Variants in TRPS1 observed in about 807,000 individuals in gnomAD.
TRPS1 encodes zinc finger transcription factor Trps1.
TRPS1 carries 6 observed loss-of-function variants against 101.2 expected under a neutral mutation model. The observed-to-expected ratio is 0.06, with a 90% CI of 0.03 to 0.12. The LOEUF (loss-of-function observed/expected upper bound fraction) is 0.12. TRPS1 is among the 10% of genes least tolerant of loss of function. The pLI, the probability that TRPS1 is intolerant of heterozygous loss-of-function variation, is 1.00. For missense variants in TRPS1, 1,363 were observed against 1,567.0 expected (o/e 0.87, Z 2.20); for synonymous variants, 578 against 589.8 (o/e 0.98, Z 0.29).
chr8:115,533,286 T>C (rs1300544752), intron 5 of TRPS1, among the ~76,000 whole-genome samples: 1 of 152,126 alleles, frequency 6.6e-6, no homozygotes, highest in African/African-American at 2.4e-5. Flanking sequence ...CTCTGGTGAA[T>C]CAAGGTCAGT....
intron 1 of TRPS1, among the ~76,000 whole-genome samples, chr8:115,645,985 AGTTT>A: frequency 6.6e-6 from 1 of 152,274 alleles, no homozygotes; most frequent in African/African-American, 2.4e-5. Flanking sequence ...TAGAATGCTC[AGTTT>A]GTTCCTGTCC....
At position 115,512,243 on chromosome 8, in the gene TRPS1, A is replaced by G. The variant is rs1306505299; in HGVS notation, c.2700+74758T>C. Among the ~76,000 whole-genome samples, 5 of 151,776 alleles carry G rather than the reference A, an allele frequency of 3.3e-5. No homozygotes were observed. The East Asian group carries it at 9.6e-4, about 29-fold the overall frequency. ...GTATGTTCATGTACTTTTTTAAGCA[A>G]TAAGAGGACAAAAAAGGAGAGAAGT... On this transcript the variant is annotated intron_variant, in intron 5 of 6. Coordinates refer to ENST00000395715, the MANE Select transcript of TRPS1 (RefSeq NM_014112.5).
intron 5 of TRPS1, among the ~76,000 whole-genome samples, chr8:115,477,355 G>A (rs541107181): frequency 2.0e-5 from 3 of 152,302 alleles, no homozygotes; most frequent in South Asian, 2.1e-4. Context: ...TAATATTTAA[G>A]GATACATGCA....
chr8:115,477,042 G>A (rs973881435), intron 5 of TRPS1, among the ~76,000 whole-genome samples: 6 of 152,054 alleles, frequency 3.9e-5, no homozygotes, highest in Non-Finnish European at 7.4e-5. Flanking sequence ...TTAATAACAC[G>A]AGGTTGGTTG....
chr8:115,613,040 G>C (rs755343241), intron 3 of TRPS1, among the ~76,000 whole-genome samples: 11 of 152,184 alleles, frequency 7.2e-5, no homozygotes, highest in Non-Finnish European at 1.2e-4. Context: ...AACTAGAAGA[G>C]CATAAGACAA....
intron 5 of TRPS1, among the ~76,000 whole-genome samples, chr8:115,583,859 A>G (rs560254163): frequency 3.9e-5 from 6 of 152,192 alleles, no homozygotes; most frequent in Admixed American, 3.3e-4. Flanking sequence ...AAATGATATC[A>G]TATTGAACAC....
chr8:115,604,812 T>C lies in TRPS1; in HGVS notation c.1157A>G (p.Lys386Arg). Residue 386 changes from lysine (K) to arginine (R), a missense_variant, in exon 4 of 7, where the codon AAA becomes AGA. Lys to Arg is a conservative substitution (Grantham distance 26). This residue lies in a region of TRPS1 where 1,020 missense variants were observed against 1,073.0 expected (regional missense o/e 0.95). Transcript: ENST00000395715. The surrounding 1 kb of genome is among the most constrained non-coding windows in gnomAD (Gnocchi z 4.1). ...CTTGTTAGAGTTTTTCTCTGAAGGT[T>C]TTGCAACCTCAGAGGAGGGGAGAGA... ...KASLPSSEVAKPSEKNSNKSI... is the reference protein window; with the variant it reads ...KASLPSSEVARPSEKNSNKSI... The C allele has an allele frequency of 6.2e-7, 1 of 1,614,034 alleles. No individual in the cohort carries two copies. Among genetic ancestry groups the C allele is most frequent in the East Asian group, 2.2e-5 (1 of 44,870 alleles).
chr8:115,413,991 A>G lies in TRPS1; in HGVS notation c.*32T>C. The G allele has an allele frequency of 6.2e-7, 1 of 1,601,830 alleles. No homozygotes were observed. Among genetic ancestry groups the G allele is most frequent in the Non-Finnish European group, 8.5e-7 (1 of 1,172,732 alleles). Reference sequence around the variant, plus strand: ...TATTGAATTCCCATCAAGAAAACCTATTTCTATTTAATTGTGCTAAGTGCT... The same window carrying G: ...TATTGAATTCCCATCAAGAAAACCTGTTTCTATTTAATTGTGCTAAGTGCT... On this transcript the variant is annotated 3_prime_UTR_variant, in exon 7 of 7. Coordinates refer to ENST00000395715, the MANE Select transcript of TRPS1 (RefSeq NM_014112.5).
At chr8:115,491,985 T>C (rs1815034374) in intron 5 of TRPS1, among the ~76,000 whole-genome samples, 1 of 152,158 alleles carries the variant, frequency 6.6e-6, no homozygotes, top group Non-Finnish European at 1.5e-5. Context: ...TTTTCATAAA[T>C]GAAATATACC....
chr8:115,548,583 C>A (rs1816633089), intron 5 of TRPS1, among the ~76,000 whole-genome samples: 1 of 152,066 alleles, frequency 6.6e-6, no homozygotes, highest in South Asian at 2.1e-4. Context: ...CTGTGCCTGG[C>A]CAACAACATT....
intron 1 of TRPS1, among the ~76,000 whole-genome samples, chr8:115,656,512 T>C (rs1409057129): frequency 1.3e-5 from 2 of 152,124 alleles, no homozygotes; most frequent in East Asian, 3.9e-4. Flanking sequence ...TTTTTTCTTT[T>C]TCCTCCCATC....
At chr8:115,446,333 C>CA (rs5894264) in intron 5 of TRPS1, among the ~76,000 whole-genome samples, 74,707 of 139,962 alleles carry the variant, frequency 0.53, 19,415 homozygotes, top group East Asian at 0.61. Context: ...TCCTGTCAGA[C>CA]AAAAAAAAAA....
intron 5 of TRPS1, among the ~76,000 whole-genome samples, chr8:115,552,686 T>G (rs984089021): frequency 2.6e-5 from 4 of 152,166 alleles, no homozygotes; most frequent in African/African-American, 7.2e-5. Flanking sequence ...ACCAGCAAAC[T>G]GCAAACTGTA....
intron 5 of TRPS1, among the ~76,000 whole-genome samples, chr8:115,584,114 C>T (rs1817513444): frequency 6.6e-6 from 1 of 151,914 alleles, no homozygotes; most frequent in Non-Finnish European, 1.5e-5. Context: ...TAACTACATT[C>T]AGCCTTTTAT....
intron 5 of TRPS1, among the ~76,000 whole-genome samples, chr8:115,508,124 T>C (rs1436901066): frequency 1.3e-5 from 2 of 152,124 alleles, no homozygotes; most frequent in African/African-American, 2.4e-5. Flanking sequence ...CCAGTTCATG[T>C]AGAAATTTAG....
At chr8:115,614,890 C>T (rs770950284) in intron 3 of TRPS1, among the ~76,000 whole-genome samples, 3 of 151,788 alleles carry the variant, frequency 2.0e-5, no homozygotes, top group Non-Finnish European at 4.4e-5. Context: ...AACTGTAATC[C>T]CCTGCTCAAA....
chr8:115,463,057 G>A (rs1267109830), intron 5 of TRPS1, among the ~76,000 whole-genome samples: 1 of 152,114 alleles, frequency 6.6e-6, no homozygotes, highest in East Asian at 1.9e-4. Flanking sequence ...TGCTGTGAGA[G>A]GAAATAAAAT....
intron 1 of TRPS1, among the ~76,000 whole-genome samples, chr8:115,639,418 G>A (rs1280449852): frequency 6.6e-6 from 1 of 152,044 alleles, no homozygotes; most frequent in East Asian, 1.9e-4. Context: ...AATTTTGGGT[G>A]GAAGGATAAA....
intron 5 of TRPS1, among the ~76,000 whole-genome samples, chr8:115,510,097 T>A (rs1239133373): frequency 1.3e-5 from 2 of 151,974 alleles, no homozygotes; most frequent in Non-Finnish European, 2.9e-5. Flanking sequence ...AATGGAAAAA[T>A]CTCCTGGATT....
Sources: allele counts gnomAD v4.1 joint callset (sites outside exome capture counted in the v4.1 genomes callset), GRCh38; gene constraint gnomAD v4.1.1; regional missense constraint gnomAD v4.1.1; non-coding constraint Gnocchi (gnomAD v3.1); transcripts MANE v1.5; gene names NCBI Gene and HGNC (gene_info 2026-07-23, HGNC 2026-07-21).